NDUFA10: variants seen among roughly 807,000 people sequenced by gnomAD.
The protein encoded by NDUFA10 is NADH:ubiquinone oxidoreductase subunit A10.
Under a neutral mutation model 47.8 loss-of-function variants are expected in NDUFA10, and 40 were observed. The observed-to-expected ratio is 0.84, with a 90% CI of 0.65 to 1.09. The LOEUF is 1.09. Among genes scored for constraint, NDUFA10 ranks in the 50% least tolerant of loss-of-function variants. NDUFA10 has a pLI of 0.00. For missense variants in NDUFA10, 413 were observed against 451.1 expected, an observed-to-expected ratio of 0.92 and a Z score of 0.76; for synonymous variants, 183 against 172.2, an observed-to-expected ratio of 1.06 and a Z score of -0.49.
intron 4 of NDUFA10, among the ~76,000 whole-genome samples, chr2:239,939,371 G>A (rs564702542): frequency 6.6e-6 from 1 of 152,368 alleles, no homozygotes; most frequent in South Asian, 2.1e-4. Flanking sequence ...GGAGAGAGAG[G>A]GGTAGAACCA....
intron 4 of NDUFA10, among the ~76,000 whole-genome samples, chr2:239,942,354 C>G (rs1385120068): frequency 6.6e-6 from 1 of 152,364 alleles, no homozygotes; most frequent in South Asian, 2.1e-4. Context: ...CCTGCATTTC[C>G]GACAAGCTCC....
intron 8 of NDUFA10, among the ~76,000 whole-genome samples, chr2:239,993,946 G>C (rs1162820678): frequency 6.6e-6 from 1 of 152,088 alleles, no homozygotes. Context: ...AGGATGCAGA[G>C]AGCAGCAGCT....
intron 4 of NDUFA10, among the ~76,000 whole-genome samples, chr2:239,940,571 T>G (rs550831943): frequency 6.6e-6 from 1 of 152,364 alleles, no homozygotes; most frequent in African/African-American, 2.4e-5. Flanking sequence ...GAGATATGTG[T>G]GTTAAAAGCT....
chr2:239,991,731 CAAT>C (rs1696256572), intron 8 of NDUFA10, among the ~76,000 whole-genome samples: 1 of 152,124 alleles, frequency 6.6e-6, no homozygotes, highest in African/African-American at 2.4e-5. Context: ...AGTGATCTCA[CAAT>C]AAGAAATTCC....
intron 4 of NDUFA10, among the ~76,000 whole-genome samples, chr2:239,905,479 C>T (rs67621211): frequency 2.6e-5 from 4 of 152,082 alleles, no homozygotes; most frequent in Non-Finnish European, 5.9e-5. Flanking sequence ...TGTGTGGTGG[C>T]GGGGTATGTG....
intron 5 of NDUFA10, 148 bp from the exon 6 acceptor site, chr2:240,011,844 G>A: frequency 1.4e-6 from 1 of 715,696 alleles, no homozygotes; most frequent in Non-Finnish European, 2.5e-6. Context: ...TGACAGCAAA[G>A]GGTCCCAACA....
chr2:239,911,564 G>A (rs186270379), intron 4 of NDUFA10, among the ~76,000 whole-genome samples: 23 of 152,274 alleles, frequency 1.5e-4, no homozygotes, highest in African/African-American at 3.9e-4. Flanking sequence ...GTTTCAGTAC[G>A]GCAGAGCTGC....
downstream of NDUFA10, among the ~76,000 whole-genome samples, chr2:239,956,583 C>A (rs536872707): frequency 3.3e-5 from 5 of 152,336 alleles, no homozygotes; most frequent in African/African-American, 1.2e-4. Flanking sequence ...CGGGACGGCC[C>A]AGTGCTAAGC....
chr2:239,945,566 C>T lies in NDUFA10; in HGVS notation c.294+44508G>A, dbSNP rs1694437840. Reference sequence around the variant, plus strand: ...CCCGTATGGCCAGGCTGGGAGGATCCTGGGGGCTGAGGCTCCCTCCAGGGA... The same window carrying T: ...CCCGTATGGCCAGGCTGGGAGGATCTTGGGGGCTGAGGCTCCCTCCAGGGA... On this transcript the variant is annotated intron_variant, in intron 4 of 5. Transcript: ENST00000419408. The surrounding 1 kb of genome is among the most constrained non-coding windows in gnomAD (Gnocchi z 4.6). 6.6e-6 allele frequency among the ~76,000 whole-genome samples: 1 copy of T among 152,154 alleles called. No homozygotes were observed. Among genetic ancestry groups the T allele is most frequent in the South Asian group, 2.1e-4 (1 of 4,828 alleles).
In NDUFA10 at chr2:239,959,895, A is replaced by G. The variant is rs1407809535; in HGVS notation, c.*1223T>C. ...GGACGCAAGGAGGGAAGGAGTGTGC[A>G]TCTTCTTCGCATGCTCCGCAGCAGC... On this transcript the variant is annotated 3_prime_UTR_variant, in exon 10 of 10. Transcript: ENST00000252711. The G allele has an allele frequency of 9.1e-6, 9 of 985,456 alleles. No homozygotes were observed. Among genetic ancestry groups the G allele is most frequent in the Non-Finnish European group, 1.1e-5 (9 of 829,948 alleles). The allele number at this position is 985,456 out of a possible 1,614,324, so 61.0% of individuals were successfully genotyped here. A position where few individuals can be genotyped will look rare whatever the true frequency, so the allele number is the denominator to read the frequency against.
At chr2:239,893,553 C>T (rs13397984) in intron 5 of NDUFA10, among the ~76,000 whole-genome samples, 148,095 of 152,324 alleles carry the variant, frequency 0.97, 72,140 homozygotes, top group East Asian at 1. Context: ...CTCCGCAGCC[C>T]TATGGCTGCA....
chr2:239,967,436 C>T (rs1695122491), intron 9 of NDUFA10, among the ~76,000 whole-genome samples: 2 of 152,182 alleles, frequency 1.3e-5, no homozygotes, highest in Non-Finnish European at 2.9e-5. Flanking sequence ...CAGAGCTGAG[C>T]GGCTGTGAGA....
intron 4 of NDUFA10, among the ~76,000 whole-genome samples, chr2:239,931,455 G>A (rs1694171952): frequency 6.6e-6 from 1 of 152,218 alleles, no homozygotes; most frequent in Admixed American, 6.5e-5. Flanking sequence ...TCCAAATGAG[G>A]TCACATTCAC....
intron 4 of NDUFA10, among the ~76,000 whole-genome samples, chr2:239,899,047 GAT>G (rs1693469035): frequency 1.8e-5 from 1 of 55,234 alleles, no homozygotes; most frequent in Non-Finnish European, 4.3e-5. Flanking sequence ...GGAGGGGTGT[GAT>G]GGAGGAGTGT....
At chr2:239,952,504 T>C (rs1465331606), downstream of NDUFA10, among the ~76,000 whole-genome samples, 1 of 152,160 alleles carries the variant, frequency 6.6e-6, no homozygotes, top group Non-Finnish European at 1.5e-5. Context: ...ACAAGATCTG[T>C]AGGTGGGAAG....
chr2:239,954,998 T>C (rs1694626295), downstream of NDUFA10, among the ~76,000 whole-genome samples: 1 of 152,236 alleles, frequency 6.6e-6, no homozygotes, highest in Non-Finnish European at 1.5e-5. Context: ...TCCTTCTGCA[T>C]CTAAATTACT....
chr2:239,978,441 C>A (rs553587826), intron 9 of NDUFA10, among the ~76,000 whole-genome samples: 1 of 152,166 alleles, frequency 6.6e-6, no homozygotes, highest in Non-Finnish European at 1.5e-5. Context: ...GCGCCCAGGG[C>A]CCACACAGTC....
rs773712527 is a variant in NDUFA10 at position 239,906,526 on chromosome 2, C to A, written c.295-11212G>T. 6.6e-6 allele frequency among the ~76,000 whole-genome samples: 1 copy of A among 152,138 alleles called. No individual in the cohort carries two copies. Among genetic ancestry groups the A allele is most frequent in the Non-Finnish European group, 1.5e-5 (1 of 68,040 alleles). The stretch of plus-strand genomic sequence containing the variant: ...TAGTGCCTCCCATTGCTAAGGCAGG[C>A]AGGACAACATGAAGAGGACCTGTTG... On this transcript the variant is annotated intron_variant, in intron 4 of 5. Coordinates refer to the NDUFA10 transcript ENST00000419408. The surrounding 1 kb of genome is among the most constrained non-coding windows in gnomAD (Gnocchi z 4.3).
chr2:240,004,739 C>T (rs1196372287), intron 8 of NDUFA10, among the ~76,000 whole-genome samples: 1 of 151,862 alleles, frequency 6.6e-6, no homozygotes, highest in East Asian at 1.9e-4. Flanking sequence ...TGCCAAGCCC[C>T]TGCCCTCTGC....
Sources: allele counts gnomAD v4.1 joint callset (sites outside exome capture counted in the v4.1 genomes callset), GRCh38; gene constraint gnomAD v4.1.1; non-coding constraint Gnocchi (gnomAD v3.1); transcripts MANE v1.5; gene names NCBI Gene and HGNC (gene_info 2026-07-23, HGNC 2026-07-21).